Variants in FNBP1L observed in about 807,000 individuals in gnomAD.
The protein encoded by FNBP1L is formin binding protein 1 like.
Under a neutral mutation model 91.2 loss-of-function variants are expected in FNBP1L, and 36 were observed. That is an observed-to-expected ratio of 0.39 (90% confidence interval 0.30 to 0.52). The LOEUF is 0.52. Among genes scored for constraint, FNBP1L ranks in the 20% least tolerant of loss-of-function variants. FNBP1L has a pLI of 0.66. For missense variants in FNBP1L, 571 were observed against 732.1 expected (o/e 0.78, Z 2.54); for synonymous variants, 242 against 237.0 (o/e 1.02, Z -0.19).
intron 3 of FNBP1L, 86 bp from the exon 4 acceptor site, chr1:93,523,258 G>A: frequency 7.5e-7 from 1 of 1,330,300 alleles, no homozygotes; most frequent in South Asian, 1.9e-5. Flanking sequence ...GCTAAAATTT[G>A]CGAAATGTTA....
At chr1:93,488,486 A>AGT (rs1669988590) in intron 1 of FNBP1L, 1 of 152,168 alleles carries the variant, frequency 6.6e-6, no homozygotes, top group African/African-American at 2.4e-5. Context: ...TGGAAACTCC[A>AGT]GTGATCTATT....
At chr1:93,545,811 C>T (rs1322924606) in intron 12 of FNBP1L, among the ~76,000 whole-genome samples, 1 of 149,544 alleles carries the variant, frequency 6.7e-6, no homozygotes, top group African/African-American at 2.5e-5. Flanking sequence ...TGTACTTTCA[C>T]CTGATTGGAT....
chr1:93,546,623 G>C (rs1053326508), intron 12 of FNBP1L, among the ~76,000 whole-genome samples: 8 of 151,990 alleles, frequency 5.3e-5, no homozygotes, highest in South Asian at 4.1e-4. Flanking sequence ...AATGAACTCT[G>C]TTCTCTTTTG....
In FNBP1L at chr1:93,535,655, T is replaced by C. The variant is rs184047323; in HGVS notation, c.991-677T>C. Among the ~76,000 whole-genome samples the C allele has an allele frequency of 2.0e-5, 3 of 152,194 alleles. No homozygotes were observed. In the East Asian group the frequency reaches 5.8e-4, roughly 29 times the overall value. On this transcript the variant is annotated intron_variant, in intron 9 of 16. Transcript: ENST00000271234. ...TATGAGTGTAGATAAAATTAAAATT[T>C]AACTCATTATAATATACCTGTATCT...
intron 1 of FNBP1L, among the ~76,000 whole-genome samples, chr1:93,463,702 T>A (rs1188618264): frequency 6.6e-6 from 1 of 152,210 alleles, no homozygotes; most frequent in African/African-American, 2.4e-5. Context: ...CCCATATCCC[T>A]GTGGGAAACA....
intron 1 of FNBP1L, among the ~76,000 whole-genome samples, chr1:93,450,846 T>G (rs1465683265): frequency 2.0e-5 from 3 of 152,244 alleles, no homozygotes; most frequent in Admixed American, 2.0e-4. Flanking sequence ...ATTGCTATTT[T>G]AATGCTTCTT....
rs1671646599 is a variant in FNBP1L, at chr1:93,530,763, G to A, written c.519G>A (p.Gln173=). ...GACCATTTTGCCCCTAGGCCAAACA[G>A]CAGTTGAATCTGCGTACGCATATGG... The part of the protein sequence containing the change: ...ATKADVEKAK[Q]QLNLRTHMAD... Residue 173 remains glutamine, a synonymous_variant, in exon 7 of 17, where the codon CAG becomes CAA. Transcript: ENST00000271234. 1 of 1,597,320 alleles carries A rather than the reference G, an allele frequency of 6.3e-7. No homozygotes were observed.
rs1237145649 is a variant in FNBP1L at position 93,552,728 on chromosome 1, G to A, written c.*312G>A. 2 of 273,330 alleles carry A rather than the reference G, an allele frequency of 7.3e-6. No individual in the cohort carries two copies. The highest frequency in any genetic ancestry group is 4.4e-5 in the African/African-American group (2 of 45,496). 16.9% of individuals were successfully genotyped at this position (273,330 alleles called of 1,614,324 possible). ...AGAATGCAGAGCTGTCAAAAAATGT[G>A]TCTTACATTAGCTGTCCCAACAGGA... is the stretch of plus-strand genomic sequence containing the variant. On this transcript the variant is annotated 3_prime_UTR_variant, in exon 17 of 17. Coordinates refer to ENST00000271234, the MANE Select transcript of FNBP1L (RefSeq NM_001164473.3).
intron 1 of FNBP1L, among the ~76,000 whole-genome samples, chr1:93,497,214 G>A (rs532709997): frequency 1.3e-5 from 2 of 152,100 alleles, no homozygotes; most frequent in African/African-American, 2.4e-5. Flanking sequence ...CGCCCACCTC[G>A]GCCTCCCAAA....
At chr1:93,494,145 C>T (rs934823753) in intron 1 of FNBP1L, among the ~76,000 whole-genome samples, 5 of 152,206 alleles carry the variant, frequency 3.3e-5, no homozygotes, top group African/African-American at 1.2e-4. Context: ...CCCCCTCCTC[C>T]AGTTTGATAA....
At chr1:93,516,563 C>T in intron 2 of FNBP1L, among the ~76,000 whole-genome samples, 1 of 152,066 alleles carries the variant, frequency 6.6e-6, no homozygotes, top group Admixed American at 6.6e-5. Flanking sequence ...CGCTTGTGAT[C>T]CCAGCGCTTT....
chr1:93,512,739 A>G (rs1479777612), intron 2 of FNBP1L, among the ~76,000 whole-genome samples: 2 of 152,082 alleles, frequency 1.3e-5, no homozygotes, highest in African/African-American at 4.8e-5. Flanking sequence ...ACAAAGACAC[A>G]ACATACCAGA....
chr1:93,487,824 G>A (rs191493682), intron 1 of FNBP1L, among the ~76,000 whole-genome samples: 2 of 152,270 alleles, frequency 1.3e-5, no homozygotes, highest in East Asian at 3.9e-4. Flanking sequence ...GAATATTGGT[G>A]TGCAACAAGG....
chr1:93,486,217 T>C (rs577703478), intron 1 of FNBP1L, among the ~76,000 whole-genome samples: 67 of 152,186 alleles, frequency 4.4e-4, no homozygotes, highest in Non-Finnish European at 7.9e-4. Flanking sequence ...TCATGTGTAG[T>C]TATTACAGCA....
At chr1:93,551,198 GA>G in intron 16 of FNBP1L, 93 bp downstream of exon 16, 1 of 1,400,864 alleles carries the variant, frequency 7.1e-7, no homozygotes, top group Non-Finnish European at 9.4e-7. Flanking sequence ...TCAACAGGTT[GA>G]AAAAAATAAG....
chr1:93,533,443 G>A (rs1217549173), intron 8 of FNBP1L, among the ~76,000 whole-genome samples: 1 of 152,124 alleles, frequency 6.6e-6, no homozygotes, highest in African/African-American at 2.4e-5. Flanking sequence ...AAGAAATGTG[G>A]GTAGCATATG....
chr1:93,455,653 T>G (rs955984447), intron 1 of FNBP1L, among the ~76,000 whole-genome samples: 7 of 152,238 alleles, frequency 4.6e-5, no homozygotes, highest in African/African-American at 1.2e-4. Context: ...TCCCCACTCT[T>G]CTGCTTTAAT....
Position 93,544,132 on chromosome 1 carries a change from A to G in FNBP1L, c.1190A>G (p.His397Arg). The change falls in exon 12 of 17, where the codon CAT becomes CGT. Residue 397 changes from histidine to arginine, a missense_variant. This residue lies in a region of FNBP1L where 150 missense variants were observed against 155.9 expected (regional missense o/e 0.96). Transcript: ENST00000271234. ...GGCCCAGCACTAGAAGATTTCAGTC[A>G]TCTGCCACCAGAACAGAGACGTAAA... ...KMGPALEDFS[H>R]LPPEQRRKKL... 6.2e-7 allele frequency: 1 copy of G among 1,609,876 alleles called. No homozygotes were observed. Among genetic ancestry groups the G allele is most frequent in the Non-Finnish European group, 8.5e-7 (1 of 1,177,504 alleles).
rs552631783 is a variant in FNBP1L at position 93,554,628 on chromosome 1, C to T, written c.*2212C>T. ...TAGTGTTCTCTGTTGAGAATATTTACATGGAATAAAACAATCTTTTCATGG... is the reference window on the plus strand; with the variant it reads ...TAGTGTTCTCTGTTGAGAATATTTATATGGAATAAAACAATCTTTTCATGG... On this transcript the variant is annotated 3_prime_UTR_variant, in exon 17 of 17. Transcript: ENST00000271234. 2.6e-5 allele frequency: 4 copies of T among 152,674 alleles called. No homozygotes were observed. The highest frequency in any genetic ancestry group is 9.6e-5 in the African/African-American group (4 of 41,562). The allele number at this position is 152,674 out of a possible 1,614,324, so 9.5% of individuals were successfully genotyped here.
Sources: gnomAD v4.1 joint callset for allele counts (sites outside exome capture counted in the v4.1 genomes callset) on GRCh38, gnomAD v4.1.1 for gene constraint, gnomAD v4.1.1 regional missense constraint, MANE v1.5 for transcripts, NCBI Gene and HGNC (gene_info 2026-07-23, HGNC 2026-07-21) for gene names.